The following MAGI2 variants were observed in gnomAD, a reference collection of about 807,000 sequenced individuals.
The protein encoded by MAGI2 is membrane associated guanylate kinase, WW and PDZ domain containing 2, also known as membrane-associated guanylate kinase, WW and PDZ domain-containing protein 2.
Under a neutral mutation model 133.3 loss-of-function variants are expected in MAGI2, and 35 were observed. The observed-to-expected ratio is 0.26, with a 90% CI of 0.20 to 0.35. The LOEUF (loss-of-function observed/expected upper bound fraction) is 0.35. Among genes scored for constraint, MAGI2 ranks in the 10% least tolerant of loss-of-function variants. MAGI2 has a pLI of 1.00. For synonymous variants in MAGI2, 729 were observed against 710.6 expected, an observed-to-expected ratio of 1.03 and a Z score of -0.41; for missense variants, 1,636 against 1,863.4, an observed-to-expected ratio of 0.88 and a Z score of 2.25.
At chr7:79,365,867 C>CAAAAAAA (rs71095399) in intron 1 of MAGI2, among the ~76,000 whole-genome samples, 671 of 48,824 alleles carry the variant, frequency 0.014, 50 homozygotes, top group African/African-American at 0.043. Flanking sequence ...ACTCTTGTCT[C>CAAAAAAA]AAAAAAAAAA....
chr7:79,121,423 T>G (rs986421472), intron 1 of MAGI2, among the ~76,000 whole-genome samples: 17 of 152,160 alleles, frequency 1.1e-4, no homozygotes, highest in Middle Eastern at 3.4e-3. Context: ...GTTTCTTTTT[T>G]CTAAAAAAAA....
At chr7:78,619,133 T>C (rs1807441465) in intron 3 of MAGI2, 1 of 149,522 alleles carries the variant, frequency 6.7e-6, no homozygotes, top group Admixed American at 6.7e-5. Flanking sequence ...TTTTGAAACA[T>C]CACATTATAT....
chr7:78,860,243 C>G lies in MAGI2; in HGVS notation c.418+146847G>C, dbSNP rs370148339. On this transcript the variant is annotated intron_variant, in intron 2 of 21. Coordinates refer to ENST00000354212, the MANE Select transcript of MAGI2 (RefSeq NM_012301.4). ...CCGATCATCTGAAGCCTTCTTCTCTCAACTCTTCAAAGTCATTCTCCATCC... is the reference window on the plus strand; with the variant it reads ...CCGATCATCTGAAGCCTTCTTCTCTGAACTCTTCAAAGTCATTCTCCATCC... Among the ~76,000 whole-genome samples, 10 of 152,328 alleles carry G rather than the reference C, an allele frequency of 6.6e-5. No homozygotes were observed. In the East Asian group the frequency reaches 1.5e-3, roughly 24 times the overall value.
chr7:78,125,835 A>C lies in MAGI2; in HGVS notation c.3426T>G (p.Asp1142Glu), dbSNP rs755539061. Residue 1142 changes from aspartate (D) to glutamate (E), a missense_variant and splice_region_variant, in exon 20 of 22, where the codon GAT becomes GAG. Asp to Glu is a conservative substitution (Grantham distance 45). This residue lies in a region of MAGI2 where 920 missense variants were observed against 1,093.5 expected (regional missense o/e 0.84). Transcript: ENST00000354212. The stretch of plus-strand genomic sequence containing the variant: ...CCATGTCCACAGTGAAATAATCAAA[A>C]TCCTTTGGGGTTGGGGAGAAAATGG... ...YPLSDYRQPQ[D>E]FDYFTVDMEK... 1 of 1,614,012 alleles carries C rather than the reference A, an allele frequency of 6.2e-7. No individual in the cohort carries two copies. The highest frequency in any genetic ancestry group is 8.5e-7 in the Non-Finnish European group (1 of 1,179,948).
intron 6 of MAGI2, among the ~76,000 whole-genome samples, chr7:78,400,953 G>T (rs1178072486): frequency 6.6e-6 from 1 of 151,834 alleles, no homozygotes; most frequent in African/African-American, 2.4e-5. Flanking sequence ...GTAAACCAGG[G>T]CATAAGACTA....
intron 1 of MAGI2, among the ~76,000 whole-genome samples, chr7:79,138,193 A>T (rs982266309): frequency 1.3e-5 from 2 of 152,164 alleles, no homozygotes; most frequent in South Asian, 4.1e-4. Flanking sequence ...GCATCATTTT[A>T]AGCCATTCCA....
At chr7:78,955,247 T>C (rs1437636701) in intron 2 of MAGI2, among the ~76,000 whole-genome samples, 1 of 152,032 alleles carries the variant, frequency 6.6e-6, no homozygotes, top group Non-Finnish European at 1.5e-5. Flanking sequence ...AAAACTATAG[T>C]AGAATATATG....
chr7:79,391,712 C>G (rs780508386), intron 1 of MAGI2, among the ~76,000 whole-genome samples: 1 of 151,796 alleles, frequency 6.6e-6, no homozygotes, highest in Admixed American at 6.6e-5. Context: ...TTTGTTGAGA[C>G]GGAGTCTTGC....
intron 10 of MAGI2, among the ~76,000 whole-genome samples, chr7:78,226,172 A>G (rs1271417372): frequency 6.6e-6 from 1 of 152,176 alleles, no homozygotes; most frequent in Non-Finnish European, 1.5e-5. Context: ...TTCTTTGAGC[A>G]CTGGTGACAG....
rs867849431 is a variant in MAGI2 at position 78,384,498 on chromosome 7, A to G, written c.1046-15285T>C. Reference sequence around the variant, plus strand: ...AAACAGCTTGGAATCATAGGCTATTACATGTCATAGGCATAATTCATCACA... The same window carrying G: ...AAACAGCTTGGAATCATAGGCTATTGCATGTCATAGGCATAATTCATCACA... On this transcript the variant is annotated intron_variant, in intron 6 of 21. Coordinates refer to ENST00000354212, the MANE Select transcript of MAGI2 (RefSeq NM_012301.4). 3.9e-5 allele frequency among the ~76,000 whole-genome samples: 6 copies of G among 152,212 alleles called. No individual in the cohort carries two copies. In the South Asian group the frequency reaches 1.2e-3, roughly 31 times the overall value.
At chr7:78,804,566 G>C (rs1481252631) in intron 2 of MAGI2, among the ~76,000 whole-genome samples, 1 of 150,088 alleles carries the variant, frequency 6.7e-6, no homozygotes, top group African/African-American at 2.5e-5. Context: ...GGCTAACACG[G>C]TGAAACCCCG....
chr7:78,638,518 C>G (rs1376725404), intron 2 of MAGI2, among the ~76,000 whole-genome samples: 2 of 152,184 alleles, frequency 1.3e-5, no homozygotes, highest in African/African-American at 4.8e-5. Context: ...CAGAATTATT[C>G]ACTACTTGGA....
intron 3 of MAGI2, among the ~76,000 whole-genome samples, chr7:78,537,260 T>C (rs893855716): frequency 1.3e-4 from 20 of 152,106 alleles, no homozygotes; most frequent in Admixed American, 6.5e-4. Flanking sequence ...GCTGGTTTCA[T>C]ATTTTTGTAA....
Position 78,138,625 on chromosome 7 carries a change from T to TCACACACACACA in MAGI2, c.2846-3431_2846-3420dup, listed in dbSNP as rs202115434. On this transcript the variant is annotated intron_variant, in intron 16 of 21. Transcript: ENST00000354212. Reference sequence around the variant, plus strand: ...ATCCCAAATGTTTCAAAACATAGATTCACACACACACACACACACACACAC... The same window carrying TCACACACACACA: ...ATCCCAAATGTTTCAAAACATAGATTCACACACACACACACACACACACACACACACACACAC... Among the ~76,000 whole-genome samples the TCACACACACACA allele has an allele frequency of 6.2e-5, 8 of 129,488 alleles. No homozygotes were observed. The South Asian group carries it at 9.9e-4, about 16-fold the overall frequency. The allele number at this position is 129,488 out of a possible 152,430, so 84.9% of individuals were successfully genotyped here. A position where few individuals can be genotyped will look rare whatever the true frequency, so the allele number is the denominator to read the frequency against.
At chr7:78,283,983 TTAAGGA>T (rs1459921943) in intron 9 of MAGI2, among the ~76,000 whole-genome samples, 4 of 152,152 alleles carry the variant, frequency 2.6e-5, no homozygotes, top group African/African-American at 7.2e-5. Context: ...CATTTTTCAC[TTAAGGA>T]TAAGCAGGTG....
chr7:78,277,432 GAC>G (rs1329272852), intron 9 of MAGI2, among the ~76,000 whole-genome samples: 1 of 152,108 alleles, frequency 6.6e-6, no homozygotes, highest in African/African-American at 2.4e-5. Context: ...GTACAGCAGT[GAC>G]ACACAGTAAA....
At chr7:79,326,458 T>C (rs556563183) in intron 1 of MAGI2, among the ~76,000 whole-genome samples, 1 of 152,262 alleles carries the variant, frequency 6.6e-6, no homozygotes, top group Non-Finnish European at 1.5e-5. Context: ...AAAAAATAAG[T>C]AAAGGAGCCT....
chr7:78,975,572 G>A (rs1056233397), intron 2 of MAGI2, among the ~76,000 whole-genome samples: 2 of 151,582 alleles, frequency 1.3e-5, no homozygotes, highest in Non-Finnish European at 3.0e-5. Flanking sequence ...TATTTGAAAA[G>A]AGAAAAGATC....
intron 21 of MAGI2, among the ~76,000 whole-genome samples, chr7:78,052,427 G>A (rs779673026): frequency 1.3e-5 from 2 of 152,144 alleles, no homozygotes; most frequent in Non-Finnish European, 2.9e-5. Flanking sequence ...AGTGGAAGCC[G>A]CCTGAAGCCC....
Sources: allele counts gnomAD v4.1 joint callset (sites outside exome capture counted in the v4.1 genomes callset), GRCh38; gene constraint gnomAD v4.1.1; regional missense constraint gnomAD v4.1.1; transcripts MANE v1.5; gene names NCBI Gene and HGNC (gene_info 2026-07-23, HGNC 2026-07-21).